The following NR5A2 variants were observed in gnomAD, a reference collection of about 807,000 sequenced individuals.
NR5A2 encodes CYP7A promoter-binding factor.
In NR5A2, 26 loss-of-function variants were observed where a neutral mutation model predicts 62.7. That is an observed-to-expected ratio of 0.41 (90% CI 0.30 to 0.58). The LOEUF (loss-of-function observed/expected upper bound fraction) is 0.58, where lower values mean the gene tolerates loss of function less well. Among genes scored for constraint, NR5A2 ranks in the 20% least tolerant of loss-of-function variants. The probability of loss-of-function intolerance (pLI) is 0.22; values close to 1 mark genes in which losing one functional copy is unlikely to be tolerated. For synonymous variants in NR5A2, 246 were observed against 241.7 expected, an observed-to-expected ratio of 1.02 and a Z score of -0.16; for missense variants, 541 against 669.1, an observed-to-expected ratio of 0.81 and a Z score of 2.11.
intron 7 of NR5A2, among the ~76,000 whole-genome samples, chr1:200,168,499 CTTA>C (rs1381689846): frequency 1.3e-5 from 2 of 152,132 alleles, no homozygotes; most frequent in Non-Finnish European, 2.9e-5. Context: ...GCAGCATTTT[CTTA>C]TTATTAATTT....
intron 5 of NR5A2, among the ~76,000 whole-genome samples, chr1:200,064,843 C>A (rs1663397003): frequency 6.6e-6 from 1 of 152,122 alleles, no homozygotes; most frequent in African/African-American, 2.4e-5. Context: ...CTCCAACAGA[C>A]CTTTTTCCTC....
At chr1:200,101,351 C>T (rs1007789827) in intron 5 of NR5A2, among the ~76,000 whole-genome samples, 14 of 152,038 alleles carry the variant, frequency 9.2e-5, no homozygotes, top group African/African-American at 2.9e-4. Flanking sequence ...TAAATGATTC[C>T]TAGGTTAAAC....
chr1:200,084,058 C>A (rs1017529941), intron 5 of NR5A2, among the ~76,000 whole-genome samples: 1 of 151,576 alleles, frequency 6.6e-6, no homozygotes, highest in African/African-American at 2.4e-5. Flanking sequence ...AAGATTCCTT[C>A]TTTCATTCAG....
intron 5 of NR5A2, among the ~76,000 whole-genome samples, chr1:200,065,606 C>T (rs1446109140): frequency 9.2e-5 from 14 of 152,220 alleles, no homozygotes; most frequent in Admixed American, 9.2e-4. Context: ...TACATATTCC[C>T]AAATTCTACC....
intron 7 of NR5A2, among the ~76,000 whole-genome samples, chr1:200,134,293 CCACT>C (rs1024597631): frequency 6.6e-6 from 1 of 152,194 alleles, no homozygotes; most frequent in African/African-American, 2.4e-5. Context: ...CACTCACTCA[CCACT>C]CACTCACTGA....
intron 5 of NR5A2, among the ~76,000 whole-genome samples, chr1:200,105,381 C>G (rs1375496151): frequency 6.6e-6 from 1 of 152,026 alleles, no homozygotes; most frequent in African/African-American, 2.4e-5. Context: ...CTCTGACCCC[C>G]TAGGAAGCCT....
Position 200,111,298 on chromosome 1 carries a change from A to G in NR5A2, c.1207A>G (p.Ile403Val). 6.2e-7 allele frequency: 1 copy of G among 1,611,042 alleles called. No homozygotes were observed. Among genetic ancestry groups the G allele is most frequent in the East Asian group, 2.2e-5 (1 of 44,808 alleles). Residue 403 changes from isoleucine to valine, a missense_variant, in exon 6 of 8, where the codon ATC becomes GTC. Coordinates refer to ENST00000367362, the MANE Select transcript of NR5A2 (RefSeq NM_205860.3). ...RQVVHGKEGS[I>V]FLVTGQQVDY... is the part of the protein sequence containing the mutation. ...AGTGGTACATGGAAAGGAAGGATCC[A>G]TCTTCCTGGTTACTGGGCAACAAGT...
At chr1:200,029,022 T>C (rs534864448) in intron 1 of NR5A2, 1 of 439,422 alleles carries the variant, frequency 2.3e-6, no homozygotes, top group South Asian at 1.6e-5. Flanking sequence ...ACACAATCAA[T>C]TGTTCTGCAG....
At chr1:200,100,226 T>C (rs1023080250) in intron 5 of NR5A2, among the ~76,000 whole-genome samples, 2 of 152,266 alleles carry the variant, frequency 1.3e-5, no homozygotes, top group African/African-American at 4.8e-5. Context: ...TTCTCATTAA[T>C]CTACTTTAAA....
chr1:200,166,098 A>G (rs1390418923), intron 7 of NR5A2, among the ~76,000 whole-genome samples: 1 of 152,202 alleles, frequency 6.6e-6, no homozygotes, highest in Non-Finnish European at 1.5e-5. Context: ...TTCACTTAGC[A>G]TAATGTCTTC....
intron 7 of NR5A2, among the ~76,000 whole-genome samples, chr1:200,159,655 ATTAT>A (rs1387421794): frequency 6.6e-6 from 1 of 150,874 alleles, no homozygotes; most frequent in Non-Finnish European, 1.5e-5. Flanking sequence ...TATTATTATT[ATTAT>A]TATTATTTTT....
chr1:200,129,244 A>T (rs1666858814), intron 7 of NR5A2, among the ~76,000 whole-genome samples: 1 of 139,044 alleles, frequency 7.2e-6, no homozygotes, highest in East Asian at 2.1e-4. Flanking sequence ...CTCTCTCTGA[A>T]TATATACACA....
chr1:200,164,082 ACT>A (rs373142391), intron 7 of NR5A2, among the ~76,000 whole-genome samples: 1 of 150,742 alleles, frequency 6.6e-6, no homozygotes. Flanking sequence ...CCCTACACAT[ACT>A]CTCTCTCTCT....
At chr1:200,091,853 T>G (rs61819928) in intron 5 of NR5A2, among the ~76,000 whole-genome samples, 10,313 of 152,226 alleles carry the variant, frequency 0.068, 408 homozygotes, top group Middle Eastern at 0.11. Context: ...TGAGTGTGTG[T>G]GGAGGACTGA....
intron 7 of NR5A2, among the ~76,000 whole-genome samples, chr1:200,127,709 A>AAAAAAAT (rs1558155319): frequency 4.3e-5 from 1 of 23,188 alleles, no homozygotes; most frequent in Non-Finnish European, 7.1e-5. Context: ...AAAAAAAAAA[A>AAAAAAAT]ATATATATAT....
chr1:200,038,105 G>C (rs568414403), intron 1 of NR5A2, among the ~76,000 whole-genome samples: 1 of 152,358 alleles, frequency 6.6e-6, no homozygotes, highest in South Asian at 2.1e-4. Flanking sequence ...TTTTCATCTT[G>C]TTGGGAGGAG....
chr1:200,152,684 T>A (rs944367293), intron 7 of NR5A2, among the ~76,000 whole-genome samples: 3 of 152,198 alleles, frequency 2.0e-5, no homozygotes, highest in Non-Finnish European at 2.9e-5. Flanking sequence ...AAATATCCCA[T>A]TTTTTTCATA....
intron 7 of NR5A2, among the ~76,000 whole-genome samples, chr1:200,167,892 G>C (rs1399761891): frequency 1.3e-5 from 2 of 151,992 alleles, no homozygotes; most frequent in East Asian, 3.9e-4. Flanking sequence ...CCTTCCCCAG[G>C]GACCCCTCTT....
chr1:200,048,068 C>A lies in NR5A2; in HGVS notation c.464-104C>A. ...CTATTGTAACGAAAACAACCACACA[C>A]ATACCACTTCTTGTCGATTTACATT... On this transcript the variant is annotated intron_variant, in intron 4 of 7. Transcript: ENST00000367362. This position sits in a 1 kb window ranked among gnomAD's most constrained non-coding sequence, Gnocchi z 4.8. The A allele has an allele frequency of 9.1e-7, 1 of 1,099,070 alleles. No individual in the cohort carries two copies. The highest frequency in any genetic ancestry group is 1.6e-5 in the African/African-American group (1 of 63,946). The allele number at this position is 1,099,070 out of a possible 1,614,324, so 68.1% of individuals were successfully genotyped here. A position where few individuals can be genotyped will look rare whatever the true frequency, so the allele number is the denominator to read the frequency against.
Sources: gnomAD v4.1 joint callset for allele counts (sites outside exome capture counted in the v4.1 genomes callset) on GRCh38, gnomAD v4.1.1 for gene constraint, Gnocchi (gnomAD v3.1) non-coding constraint, MANE v1.5 for transcripts, NCBI Gene and HGNC (gene_info 2026-07-23, HGNC 2026-07-21) for gene names.